DTNBP1: variants seen among roughly 807,000 people sequenced by gnomAD.
DTNBP1 encodes dysbindin.
Under a neutral mutation model 42.8 loss-of-function variants are expected in DTNBP1, and 35 were observed. The observed-to-expected ratio is 0.82, with a 90% CI of 0.63 to 1.09. DTNBP1 has a LOEUF of 1.09. Among genes scored for constraint, DTNBP1 ranks in the 50% least tolerant of loss-of-function variants. DTNBP1 has a pLI of 0.00. For synonymous variants in DTNBP1, 171 were observed against 162.2 expected (o/e 1.05, Z -0.41); for missense variants, 457 against 424.2 (o/e 1.08, Z -0.68).
chr6:15,641,409 G>A (rs1467278068), intron 3 of DTNBP1, among the ~76,000 whole-genome samples: 1 of 152,134 alleles, frequency 6.6e-6, no homozygotes, highest in Non-Finnish European at 1.5e-5. Flanking sequence ...GCAAGACTCT[G>A]GCAGAGATTG....
At chr6:15,523,710 A>G (rs1229560620) in intron 9 of DTNBP1, 2 of 1,287,124 alleles carry the variant, frequency 1.6e-6, no homozygotes, top group Non-Finnish European at 2.0e-6. Flanking sequence ...CACTGTTTCT[A>G]AATCTTCCCC....
intron 7 of DTNBP1, among the ~76,000 whole-genome samples, chr6:15,585,064 AATATATAT>A (rs59261831): frequency 0.017 from 2,078 of 119,280 alleles, 112 homozygotes; most frequent in African/African-American, 0.034. Flanking sequence ...TTATGAAAAG[AATATATAT>A]ATATATATAT....
At chr6:15,630,168 T>C (rs1251233020) in intron 4 of DTNBP1, among the ~76,000 whole-genome samples, 1 of 152,184 alleles carries the variant, frequency 6.6e-6, no homozygotes. Context: ...ACCAATGATG[T>C]AGAATAGGAT....
chr6:15,627,459 A>T lies in DTNBP1; in HGVS notation c.239T>A (p.Val80Glu). 6.2e-7 allele frequency: 1 copy of T among 1,613,890 alleles called. No individual in the cohort carries two copies. Among genetic ancestry groups the T allele is most frequent in the Non-Finnish European group, 8.5e-7 (1 of 1,179,946 alleles). Residue 80 changes from valine to glutamate, a missense_variant, in exon 5 of 10, where the codon GTG becomes GAG. Val to Glu is a moderately radical substitution (Grantham distance 121). Coordinates refer to ENST00000344537, the MANE Select transcript of DTNBP1 (RefSeq NM_032122.5). ...CTCCCAGTGCGCAGAAAGCATGACC[A>T]CCTCGCTATCCACCAGCTGCAGCAC... ...ASAGELVDSE[V>E]VMLSAHWEKK...
chr6:15,661,300 G>C (rs1431676752), intron 1 of DTNBP1, among the ~76,000 whole-genome samples: 2 of 139,026 alleles, frequency 1.4e-5, no homozygotes, highest in African/African-American at 5.4e-5. Flanking sequence ...GCTGCAGCGA[G>C]CTATAATAGC....
At chr6:15,619,226 C>G (rs908343157) in intron 5 of DTNBP1, among the ~76,000 whole-genome samples, 1 of 151,686 alleles carries the variant, frequency 6.6e-6, no homozygotes. Context: ...TGAATGTTCC[C>G]AAAACAAAAA....
intron 1 of DTNBP1, among the ~76,000 whole-genome samples, chr6:15,659,795 G>A (rs988698951): frequency 9.2e-5 from 14 of 152,046 alleles, no homozygotes; most frequent in East Asian, 1.9e-4. Context: ...CTCATGATCC[G>A]CCTGCTTCGG....
intron 1 of DTNBP1, among the ~76,000 whole-genome samples, chr6:15,661,660 T>C (rs942565470): frequency 3.2e-5 from 2 of 62,284 alleles, no homozygotes; most frequent in African/African-American, 6.0e-5. Flanking sequence ...AAAAGGGGGG[T>C]GGGGGGGAGA....
In DTNBP1 at chr6:15,527,896, C is replaced by T. The variant is rs960883424; in HGVS notation, c.668-3227G>A. ...TCCATGGAAAACTTGCCAAAATTAA[C>T]GAGAAATAGTAAATCTCTATAACTA... On this transcript the variant is annotated intron_variant, in intron 8 of 9. Coordinates refer to ENST00000344537, the MANE Select transcript of DTNBP1 (RefSeq NM_032122.5). Among the ~76,000 whole-genome samples, 6 of 152,036 alleles carry T rather than the reference C, an allele frequency of 3.9e-5. 1 individual carries two copies. The highest frequency in any genetic ancestry group is 4.2e-4 in the South Asian group (2 of 4,810).
intron 7 of DTNBP1, among the ~76,000 whole-genome samples, chr6:15,577,820 C>T (rs1419349234): frequency 6.6e-6 from 1 of 152,108 alleles, no homozygotes; most frequent in Non-Finnish European, 1.5e-5. Flanking sequence ...CAAGGATTAA[C>T]CCCAGAGGCA....
intron 7 of DTNBP1, among the ~76,000 whole-genome samples, chr6:15,534,540 T>C (rs1773094624): frequency 6.6e-6 from 1 of 151,592 alleles, no homozygotes; most frequent in Admixed American, 6.6e-5. Flanking sequence ...GTCACCTGTA[T>C]TCCCAGCTAC....
At chr6:15,553,497 C>A (rs1049153075) in intron 7 of DTNBP1, among the ~76,000 whole-genome samples, 4 of 150,082 alleles carry the variant, frequency 2.7e-5, no homozygotes, top group African/African-American at 9.8e-5. Flanking sequence ...CTGTTTTAGG[C>A]CTTCCAAAGT....
At chr6:15,661,830 G>A (rs549958310) in intron 1 of DTNBP1, among the ~76,000 whole-genome samples, 11 of 152,276 alleles carry the variant, frequency 7.2e-5, no homozygotes, top group African/African-American at 2.6e-4. Context: ...CTGACATGAT[G>A]CTTGCTTCGT....
chr6:15,545,842 AG>A (rs1290767279), intron 7 of DTNBP1, among the ~76,000 whole-genome samples: 1 of 152,164 alleles, frequency 6.6e-6, no homozygotes, highest in African/African-American at 2.4e-5. Context: ...GATGTGTATG[AG>A]GCTTGTTAGA....
intron 9 of DTNBP1, chr6:15,524,058 T>A: frequency 7.7e-7 from 1 of 1,301,228 alleles, no homozygotes; most frequent in South Asian, 1.2e-5. Flanking sequence ...TGAAAGGAAC[T>A]GAAGTGCAAC....
intron 6 of DTNBP1, among the ~76,000 whole-genome samples, chr6:15,596,896 C>G (rs946904134): frequency 1.3e-5 from 2 of 152,172 alleles, no homozygotes; most frequent in Non-Finnish European, 2.9e-5. Flanking sequence ...TTGGCTCATC[C>G]ATCTCCCTCA....
At chr6:15,523,314 G>C (rs968022971) in intron 9 of DTNBP1, 95 bp from the exon 10 acceptor site, 103 of 1,542,494 alleles carry the variant, frequency 6.7e-5, no homozygotes, top group East Asian at 9.1e-5. Context: ...GTCATGAAAG[G>C]GGGGTGTGGT....
intron 1 of DTNBP1, among the ~76,000 whole-genome samples, chr6:15,652,911 C>G (rs1761090310): frequency 6.6e-6 from 1 of 152,236 alleles, no homozygotes; most frequent in African/African-American, 2.4e-5. Context: ...GTGTGTGCTA[C>G]CACGCCAGGC....
chr6:15,628,735 C>G (rs1055458000), intron 4 of DTNBP1, among the ~76,000 whole-genome samples: 1 of 152,046 alleles, frequency 6.6e-6, no homozygotes, highest in African/African-American at 2.4e-5. Context: ...GAGTTAGAAT[C>G]TGAATACAAC....
Sources: gnomAD v4.1 joint callset for allele counts (sites outside exome capture counted in the v4.1 genomes callset) on GRCh38, gnomAD v4.1.1 for gene constraint, MANE v1.5 for transcripts, NCBI Gene and HGNC (gene_info 2026-07-23, HGNC 2026-07-21) for gene names.